IGF1R: variants seen among roughly 807,000 people sequenced by gnomAD.
IGF1R encodes the protein insulin like growth factor 1 receptor, also known as insulin-like growth factor 1 receptor.
A neutral mutation model predicts 144.6 loss-of-function variants in IGF1R; 44 were observed. The ratio of observed to expected loss-of-function variants is 0.30; its 90% CI spans 0.24 to 0.39. The LOEUF is 0.39. Ranked by LOEUF, IGF1R falls within the 10% of genes least tolerant of loss-of-function variation. The pLI is 1.00. For missense variants in IGF1R, 1,355 were observed against 1,833.7 expected, an observed-to-expected ratio of 0.74 and a Z score of 4.77; for synonymous variants, 795 against 722.8, an observed-to-expected ratio of 1.10 and a Z score of -1.60.
At chr15:98,692,900 A>C (rs1217350539) in intron 1 of IGF1R, among the ~76,000 whole-genome samples, 1 of 152,132 alleles carries the variant, frequency 6.6e-6, no homozygotes, top group African/African-American at 2.4e-5. Flanking sequence ...GGGTGGGGTA[A>C]GCCTGGGTGG....
chr15:98,837,308 G>A (rs1410237821), intron 2 of IGF1R, among the ~76,000 whole-genome samples: 3 of 152,004 alleles, frequency 2.0e-5, no homozygotes, highest in Non-Finnish European at 2.9e-5. Flanking sequence ...GCGCAATCTC[G>A]GCTCACTGCA....
rs1013771934 is a variant in IGF1R, at chr15:98,649,652, C to T, written c.71C>T (p.Ser24Leu). 1.9e-6 allele frequency: 3 copies of T among 1,610,432 alleles called. No homozygotes were observed. The highest frequency in any genetic ancestry group is 2.5e-6 in the Non-Finnish European group (3 of 1,178,774). ...CTCCTGTTTCTCTCCGCCGCGCTCT[C>T]GCTCTGGCCGACGAGTGGAGAAAGT... Reference protein sequence around the residue: ...WGLLFLSAALSLWPTSGEICG... With the variant: ...WGLLFLSAALLLWPTSGEICG... Residue 24 changes from serine (S) to leucine (L), a missense_variant, in exon 1 of 21, where the codon TCG becomes TTG. Transcript: ENST00000650285.
At chr15:98,846,992 T>C (rs2011353232) in intron 2 of IGF1R, among the ~76,000 whole-genome samples, 1 of 152,166 alleles carries the variant, frequency 6.6e-6, no homozygotes, top group African/African-American at 2.4e-5. Flanking sequence ...TTTCTTTTTT[T>C]TGGACACAAA....
chr15:98,716,015 C>T (rs1354049273), intron 2 of IGF1R, among the ~76,000 whole-genome samples: 1 of 152,186 alleles, frequency 6.6e-6, no homozygotes, highest in African/African-American at 2.4e-5. Flanking sequence ...TCCAAACCAG[C>T]GCCCATGGCT....
intron 2 of IGF1R, among the ~76,000 whole-genome samples, chr15:98,816,264 A>G (rs1160037920): frequency 2.0e-5 from 3 of 152,178 alleles, no homozygotes; most frequent in African/African-American, 7.2e-5. Context: ...ATCAATAACT[A>G]CAAGATCTGC....
chr15:98,841,066 G>GT lies in IGF1R; in HGVS notation c.641-50251dup, dbSNP rs532802750. On this transcript the variant is annotated intron_variant, in intron 2 of 20. Coordinates refer to ENST00000650285, the MANE Select transcript of IGF1R (RefSeq NM_000875.5). ...GTGAGCCACCGCATCTGGTCTCTAA[G>GT]TTTTTTTTGAAAGTGTGTGTGTATG... Among the ~76,000 whole-genome samples, 76 of 152,148 alleles carry GT rather than the reference G, an allele frequency of 5.0e-4. No individual in the cohort carries two copies. In the South Asian group the frequency reaches 0.015, roughly 30 times the overall value.
At chr15:98,795,981 A>G (rs1016566705) in intron 2 of IGF1R, among the ~76,000 whole-genome samples, 1 of 152,230 alleles carries the variant, frequency 6.6e-6, no homozygotes, top group Non-Finnish European at 1.5e-5. Flanking sequence ...TCAACAATAC[A>G]GCCATCCATG....
intron 2 of IGF1R, 143 bp downstream of exon 2, chr15:98,708,250 C>T (rs917204038): frequency 3.0e-5 from 23 of 765,872 alleles, no homozygotes; most frequent in African/African-American, 5.1e-5. Flanking sequence ...GCCTGCTGTG[C>T]GGAAGTGGTT....
intron 2 of IGF1R, among the ~76,000 whole-genome samples, chr15:98,885,768 G>A (rs898559083): frequency 3.3e-5 from 5 of 151,228 alleles, no homozygotes; most frequent in East Asian, 1.9e-4. Flanking sequence ...GTATGGCCAG[G>A]TGGCCCCTCT....
At chr15:98,699,362 C>T (rs983901554) in intron 1 of IGF1R, among the ~76,000 whole-genome samples, 5 of 152,150 alleles carry the variant, frequency 3.3e-5, no homozygotes, top group Admixed American at 2.0e-4. Context: ...CCTGCTTCAT[C>T]GAGAAGCCAG....
At chr15:98,730,584 T>C (rs556962724) in intron 2 of IGF1R, among the ~76,000 whole-genome samples, 3 of 152,272 alleles carry the variant, frequency 2.0e-5, no homozygotes, top group East Asian at 3.9e-4. Context: ...CCTGTGAAAA[T>C]GAGGATGGAA....
At chr15:98,651,524 G>C (rs971545321) in intron 1 of IGF1R, among the ~76,000 whole-genome samples, 16 of 152,224 alleles carry the variant, frequency 1.1e-4, no homozygotes, top group African/African-American at 3.6e-4. Context: ...GTTATGTTAT[G>C]CAGTTGAACT....
At chr15:98,829,406 T>G (rs1029649623) in intron 2 of IGF1R, among the ~76,000 whole-genome samples, 1 of 151,750 alleles carries the variant, frequency 6.6e-6, no homozygotes, top group African/African-American at 2.4e-5. Flanking sequence ...TCTTTCCCCC[T>G]CTATCCGGGT....
chr15:98,723,395 T>C (rs8035564), intron 2 of IGF1R, among the ~76,000 whole-genome samples: 41 of 152,190 alleles, frequency 2.7e-4, no homozygotes, highest in Non-Finnish European at 5.3e-4. Context: ...TATGCAGACA[T>C]GAATGGGCAA....
In IGF1R at chr15:98,750,203, C is replaced by G. The variant is rs1596265615; in HGVS notation, c.640+42096C>G. 1.4e-5 allele frequency among the ~76,000 whole-genome samples: 2 copies of G among 144,370 alleles called. 1 individual carries two copies. Among genetic ancestry groups the G allele is most frequent in the South Asian group, 4.1e-4 (2 of 4,830 alleles). 94.7% of individuals were successfully genotyped at this position (144,370 alleles called of 152,430 possible). ...CAGGACTGAAAGAGCTGAGAAAGGC[C>G]TCACATCAGGTGACACTGGGGCACC... On this transcript the variant is annotated intron_variant, in intron 2 of 20. Coordinates refer to ENST00000650285, the MANE Select transcript of IGF1R (RefSeq NM_000875.5).
chr15:98,836,560 G>C (rs2057107196), intron 2 of IGF1R, among the ~76,000 whole-genome samples: 1 of 149,876 alleles, frequency 6.7e-6, no homozygotes, highest in Non-Finnish European at 1.5e-5. Context: ...ATATCACCCA[G>C]TTTTCCCTAA....
At chr15:98,784,884 C>T (rs2141402289) in intron 2 of IGF1R, among the ~76,000 whole-genome samples, 1 of 152,292 alleles carries the variant, frequency 6.6e-6, no homozygotes, top group South Asian at 2.1e-4. Context: ...GAGACTTGAG[C>T]ATCCAAGGAT....
At chr15:98,697,941 G>T (rs186130903) in intron 1 of IGF1R, among the ~76,000 whole-genome samples, 3 of 151,656 alleles carry the variant, frequency 2.0e-5, no homozygotes, top group South Asian at 4.2e-4. Context: ...CGCCATGTTG[G>T]CCAGGCCGGT....
intron 2 of IGF1R, among the ~76,000 whole-genome samples, chr15:98,888,365 A>C (rs2141649469): frequency 1.3e-5 from 2 of 151,920 alleles, no homozygotes; most frequent in South Asian, 4.2e-4. Flanking sequence ...TTGGACCTTG[A>C]GGTGACCTCT....
Sources: gnomAD v4.1 joint callset for allele counts (sites outside exome capture counted in the v4.1 genomes callset) on GRCh38, gnomAD v4.1.1 for gene constraint, MANE v1.5 for transcripts, NCBI Gene and HGNC (gene_info 2026-07-23, HGNC 2026-07-21) for gene names.